MET: variants seen among roughly 807,000 people sequenced by gnomAD.
The protein encoded by MET is hepatocyte growth factor receptor.
Under a neutral mutation model 133.1 loss-of-function variants are expected in MET, and 48 were observed. That is an observed-to-expected ratio of 0.36 (90% CI 0.29 to 0.46). MET has a LOEUF of 0.46. MET is among the 20% of genes least tolerant of loss of function. MET has a pLI of 1.00. For synonymous variants in MET, 628 were observed against 616.5 expected, an observed-to-expected ratio of 1.02 and a Z score of -0.28; for missense variants, 1,442 against 1,695.9, an observed-to-expected ratio of 0.85 and a Z score of 2.63.
intron 2 of MET, among the ~76,000 whole-genome samples, chr7:116,730,712 T>C (rs1792970812): frequency 6.6e-6 from 1 of 152,130 alleles, no homozygotes; most frequent in African/African-American, 2.4e-5. Flanking sequence ...CACTTAGATT[T>C]CTGACTTGTG....
At chr7:116,731,407 C>T (rs1413430606) in intron 2 of MET, among the ~76,000 whole-genome samples, 1 of 152,200 alleles carries the variant, frequency 6.6e-6, no homozygotes, top group African/African-American at 2.4e-5. Flanking sequence ...ATAGCAGCAG[C>T]TAAGTTCCAT....
chr7:116,742,153 C>T (rs549718057), intron 5 of MET, among the ~76,000 whole-genome samples: 10 of 152,184 alleles, frequency 6.6e-5, no homozygotes, highest in Middle Eastern at 3.4e-3. Flanking sequence ...ACAAAATGTG[C>T]GAGTCAGAAC....
intron 2 of MET, among the ~76,000 whole-genome samples, chr7:116,714,745 GCACACACACA>G (rs142954535): frequency 5.2e-4 from 76 of 145,020 alleles, no homozygotes; most frequent in African/African-American, 1.8e-3. Flanking sequence ...TCACATGCAC[GCACACACACA>G]CACACACACA....
chr7:116,696,589 G>A (rs1438528358), intron 1 of MET, among the ~76,000 whole-genome samples: 1 of 152,142 alleles, frequency 6.6e-6, no homozygotes, highest in Non-Finnish European at 1.5e-5. Context: ...CTCTCTTGAT[G>A]CCTCACTGAC....
In MET at chr7:116,731,811, A is replaced by C; in HGVS notation, c.1344A>C (p.Gly448=). 1.2e-6 allele frequency: 2 copies of C among 1,614,142 alleles called. No homozygotes were observed. The highest frequency in any genetic ancestry group is 1.7e-6 in the Non-Finnish European group (2 of 1,179,982). The change falls in exon 3 of 21, where the codon GGA becomes GGC. Residue 448 remains glycine (G), a synonymous_variant. Transcript: ENST00000397752. ...LLTSISTFIK[G]DLTIANLGTS... is the part of the protein sequence containing the mutation. ...CATCTATATCCACCTTCATTAAAGG[A>C]GACCTCACCATAGCTAATCTTGGGA...
intron 2 of MET, among the ~76,000 whole-genome samples, chr7:116,719,563 C>G (rs1792394322): frequency 6.6e-6 from 1 of 152,110 alleles, no homozygotes; most frequent in Admixed American, 6.5e-5. Context: ...AAGTCCTTGC[C>G]CATGCCTATG....
At position 116,700,006 on chromosome 7, in the gene MET, T is replaced by A; in HGVS notation, c.922T>A (p.Ser308Thr). The stretch of plus-strand genomic sequence containing the variant: ...TCTCACAGAAAAGAGAAAAAAGAGA[T>A]CCACAAAGAAGGAAGTGTTTAATAT... ...CILTEKRKKR[S>T]TKKEVFNILQ... The change falls in exon 2 of 21, where the codon TCC (serine) becomes ACC (threonine). Residue 308 changes from serine to threonine, a missense_variant. Physicochemically the swap from Ser to Thr is moderately conservative, Grantham distance 58. Transcript: ENST00000397752. 6.2e-7 allele frequency: 1 copy of A among 1,613,924 alleles called. No individual in the cohort carries two copies. Among genetic ancestry groups the A allele is most frequent in the East Asian group, 2.2e-5 (1 of 44,872 alleles).
rs1251215478 is a variant in MET, at chr7:116,775,083, T to A, written c.3231T>A (p.Ile1077=). 7.4e-6 allele frequency: 12 copies of A among 1,614,056 alleles called. No individual in the cohort carries two copies. Among genetic ancestry groups the A allele is most frequent in the Admixed American group, 5.0e-5 (3 of 59,998 alleles). Residue 1077 remains isoleucine (I), a synonymous_variant, in exon 15 of 21, where the codon ATT becomes ATA. Coordinates refer to ENST00000397752, the MANE Select transcript of MET (RefSeq NM_000245.4). ...QHVVIGPSSL[I]VHFNEVIGRG... is the part of the protein sequence containing the mutation. ...TAGTGATTGGGCCCAGTAGCCTGAT[T>A]GTGCATTTCAATGAAGTCATAGGAA... is the stretch of plus-strand genomic sequence containing the variant.
intron 1 of MET, among the ~76,000 whole-genome samples, chr7:116,685,637 C>T (rs1398896443): frequency 6.6e-6 from 1 of 151,982 alleles, no homozygotes; most frequent in Non-Finnish European, 1.5e-5. Context: ...AGTTAGCCAA[C>T]ACCACATCAC....
chr7:116,708,032 T>C (rs1791864247), intron 2 of MET, among the ~76,000 whole-genome samples: 1 of 152,150 alleles, frequency 6.6e-6, no homozygotes, highest in Non-Finnish European at 1.5e-5. Flanking sequence ...CAACAGATAT[T>C]TATTTAGTCT....
chr7:116,781,730 G>T (rs1795160028), intron 17 of MET, among the ~76,000 whole-genome samples: 1 of 152,098 alleles, frequency 6.6e-6, no homozygotes. Flanking sequence ...ACCACACCAG[G>T]CTAATTTTTT....
chr7:116,737,904 G>A (rs1161255319), intron 3 of MET, among the ~76,000 whole-genome samples: 1 of 152,136 alleles, frequency 6.6e-6, no homozygotes, highest in Non-Finnish European at 1.5e-5. Flanking sequence ...TATAGATTTG[G>A]GAAATGGTAT....
At chr7:116,733,583 T>G (rs1428094597) in intron 3 of MET, among the ~76,000 whole-genome samples, 1 of 152,220 alleles carries the variant, frequency 6.6e-6, no homozygotes, top group Non-Finnish European at 1.5e-5. Flanking sequence ...AGTCTCATTA[T>G]AGAAACGCTG....
chr7:116,765,950 A>T (rs1303960816), intron 11 of MET, among the ~76,000 whole-genome samples: 1 of 152,208 alleles, frequency 6.6e-6, no homozygotes, highest in Non-Finnish European at 1.5e-5. Flanking sequence ...GTCTTCTGTC[A>T]CTGCATACAC....
At chr7:116,721,074 C>T (rs1238929514) in intron 2 of MET, among the ~76,000 whole-genome samples, 4 of 152,118 alleles carry the variant, frequency 2.6e-5, no homozygotes, top group African/African-American at 9.7e-5. Flanking sequence ...CCAGTTCCTC[C>T]TTGCACCTCT....
rs111312176 is a variant in MET at position 116,768,624 on chromosome 7, G to A, written c.2584-1021G>A. Among the ~76,000 whole-genome samples the A allele has an allele frequency of 9.0e-4, 137 of 152,252 alleles. 2 individuals carry two copies. The highest frequency in any genetic ancestry group is 3.1e-3 in the African/African-American group (129 of 41,558). ...CTGACCAATCAATCTATTGAGATCC[G>A]TATGAGACCATGTATGTGAATGGAG... On this transcript the variant is annotated intron_variant, in intron 11 of 20. Transcript: ENST00000397752.
At chr7:116,673,972 AT>A (rs1267363125) in intron 1 of MET, among the ~76,000 whole-genome samples, 1 of 152,210 alleles carries the variant, frequency 6.6e-6, no homozygotes, top group Non-Finnish European at 1.5e-5. Context: ...TTCATAAGAA[AT>A]TTTGGTAGTA....
chr7:116,740,905 T>C lies in MET; in HGVS notation c.1581T>C (p.Ser527=), dbSNP rs2116835152. 1 of 1,614,186 alleles carries C rather than the reference T, an allele frequency of 6.2e-7. No homozygotes were observed. Among genetic ancestry groups the C allele is most frequent in the Non-Finnish European group, 8.5e-7 (1 of 1,180,036 alleles). Residue 527 remains serine (S), a synonymous_variant, in exon 5 of 21, where the codon AGT becomes AGC. Transcript: ENST00000397752. ...GCTGCAGACATTTCCAGTCCTGCAG[T>C]CAATGCCTCTCTGCCCCACCCTTTG... The part of the protein sequence containing the change: ...GLGCRHFQSC[S]QCLSAPPFVQ...
intron 5 of MET, among the ~76,000 whole-genome samples, chr7:116,754,893 G>GAAAGAAAGAA (rs1448503614): frequency 4.1e-5 from 4 of 97,446 alleles, no homozygotes; most frequent in African/African-American, 7.6e-5. Context: ...GAGAGAAAGA[G>GAAAGAAAGAA]AGAAAGAAAG....
Sources: allele counts gnomAD v4.1 joint callset (sites outside exome capture counted in the v4.1 genomes callset), GRCh38; gene constraint gnomAD v4.1.1; transcripts MANE v1.5; gene names NCBI Gene and HGNC (gene_info 2026-07-23, HGNC 2026-07-21).